ELAVL4: variants seen among roughly 807,000 people sequenced by gnomAD.
ELAVL4 encodes ELAV like RNA binding protein 4, also known as ELAV-like protein 4.
ELAVL4 carries 1 observed loss-of-function variant against 35.6 expected under a neutral mutation model. The ratio of observed to expected loss-of-function variants is 0.03; its 90% CI spans 0.01 to 0.13. The LOEUF is 0.13. ELAVL4 is among the 10% of genes least tolerant of loss of function. The pLI, the probability that ELAVL4 is intolerant of heterozygous loss-of-function variation, is 1.00. For missense variants in ELAVL4, 267 were observed against 464.9 expected (o/e 0.57, Z 3.91); for synonymous variants, 156 against 171.0 (o/e 0.91, Z 0.69).
At chr1:50,144,787 C>T (rs1572384553) in intron 1 of ELAVL4, 170 bp from the exon 2 acceptor site, 1 of 993,236 alleles carries the variant, frequency 1.0e-6, no homozygotes, top group East Asian at 2.4e-5. Flanking sequence ...AGGAGTTTAA[C>T]ATTTTGGTTA....
chr1:50,068,051 A>C (rs1664347273), intron 1 of ELAVL4, among the ~76,000 whole-genome samples: 1 of 152,204 alleles, frequency 6.6e-6, no homozygotes, highest in South Asian at 2.1e-4. Flanking sequence ...TGGTGGGGAC[A>C]TAGCCAAACC....
At chr1:50,172,916 A>C (rs1679280127) in intron 2 of ELAVL4, among the ~76,000 whole-genome samples, 2 of 152,156 alleles carry the variant, frequency 1.3e-5, no homozygotes, top group African/African-American at 4.8e-5. Context: ...GAACCTACCC[A>C]GGACATTTCT....
intron 2 of ELAVL4, among the ~76,000 whole-genome samples, chr1:50,163,361 T>C (rs1677135564): frequency 6.6e-6 from 1 of 152,176 alleles, no homozygotes; most frequent in Non-Finnish European, 1.5e-5. Flanking sequence ...TCCACATCTG[T>C]AGAAGGGATT....
chr1:50,085,611 C>T (rs1246289667), intron 1 of ELAVL4, among the ~76,000 whole-genome samples: 1 of 152,214 alleles, frequency 6.6e-6, no homozygotes, highest in Non-Finnish European at 1.5e-5. Flanking sequence ...TAAGGAAGGA[C>T]CTATTCAGAG....
At chr1:50,130,993 T>C (rs1330292433) in intron 1 of ELAVL4, among the ~76,000 whole-genome samples, 1 of 152,184 alleles carries the variant, frequency 6.6e-6, no homozygotes, top group Non-Finnish European at 1.5e-5. Flanking sequence ...TTAAAAAAGG[T>C]AAATTTCTGG....
rs949962351 is a variant in ELAVL4, at chr1:50,202,566, T to A, written c.*1388T>A. ...GATGTGATGATGCCTATGGCCGAGA[T>A]CAAATATAGCTAGATTGGCTAGACT... On this transcript the variant is annotated 3_prime_UTR_variant, in exon 7 of 7. Coordinates refer to ENST00000371824, the MANE Select transcript of ELAVL4 (RefSeq NM_001144774.3). 7 of 152,292 alleles carry A rather than the reference T, an allele frequency of 4.6e-5. No individual in the cohort carries two copies. The East Asian group carries it at 5.8e-4, about 13-fold the overall frequency. 9.4% of individuals were successfully genotyped at this position (152,292 alleles called of 1,614,324 possible). A position where few individuals can be genotyped will look rare whatever the true frequency, so the allele number is the denominator to read the frequency against.
chr1:50,173,899 G>T (rs1414669862), intron 2 of ELAVL4, among the ~76,000 whole-genome samples: 2 of 152,110 alleles, frequency 1.3e-5, no homozygotes, highest in East Asian at 3.9e-4. Flanking sequence ...AGATACACTA[G>T]CTCTGGGCTC....
intron 3 of ELAVL4, among the ~76,000 whole-genome samples, chr1:50,188,584 A>G (rs959900975): frequency 2.6e-5 from 4 of 152,228 alleles, no homozygotes; most frequent in African/African-American, 7.2e-5. Flanking sequence ...AGTGGGCTCC[A>G]TAACACTGAA....
intron 1 of ELAVL4, among the ~76,000 whole-genome samples, chr1:50,075,818 TAGAGAGAGAGAGAC>T (rs1664735671): frequency 6.7e-6 from 1 of 150,066 alleles, no homozygotes; most frequent in African/African-American, 2.5e-5. Flanking sequence ...TAGATATAGA[TAGAGAGAGAGAGAC>T]AGAGAGACAG....
chr1:50,113,248 T>G (rs1330586033), intron 1 of ELAVL4, among the ~76,000 whole-genome samples: 1 of 151,976 alleles, frequency 6.6e-6, no homozygotes, highest in Non-Finnish European at 1.5e-5. Flanking sequence ...ATTTCTTCCC[T>G]TTACACTTAT....
chr1:50,184,125 C>A (rs1227492757), intron 3 of ELAVL4, among the ~76,000 whole-genome samples: 2 of 152,132 alleles, frequency 1.3e-5, no homozygotes, highest in Non-Finnish European at 2.9e-5. Flanking sequence ...CTTCCCAGTG[C>A]CCTGTTCACT....
intron 3 of ELAVL4, among the ~76,000 whole-genome samples, chr1:50,192,299 G>A (rs1361328731): frequency 6.6e-6 from 1 of 152,076 alleles, no homozygotes. Flanking sequence ...TCTATTTTTA[G>A]GCATGGAACC....
chr1:50,118,824 AG>A (rs1317738724), intron 1 of ELAVL4, among the ~76,000 whole-genome samples: 4 of 151,926 alleles, frequency 2.6e-5, no homozygotes, highest in Admixed American at 2.6e-4. Flanking sequence ...ATATGCTTAC[AG>A]GAAGGATATA....
At chr1:50,048,222 GC>G in intron 1 of ELAVL4, 1 of 1,491,946 alleles carries the variant, frequency 6.7e-7, no homozygotes. Context: ...CCCCGACTCT[GC>G]CCGCCCTCTG....
At chr1:50,087,406 T>C (rs1665295458) in intron 1 of ELAVL4, among the ~76,000 whole-genome samples, 1 of 152,202 alleles carries the variant, frequency 6.6e-6, no homozygotes, top group Admixed American at 6.5e-5. Context: ...TTCAGAGGTG[T>C]ATAGTTTACA....
intron 2 of ELAVL4, among the ~76,000 whole-genome samples, chr1:50,167,176 C>G (rs1169602647): frequency 6.6e-6 from 1 of 152,168 alleles, no homozygotes; most frequent in Admixed American, 6.5e-5. Context: ...ATATTGTCAC[C>G]TAGTTGGTTT....
chr1:50,195,220 A>G (rs1643969242), intron 4 of ELAVL4, among the ~76,000 whole-genome samples: 1 of 152,266 alleles, frequency 6.6e-6, no homozygotes, highest in East Asian at 1.9e-4. Flanking sequence ...CACTAGCTAC[A>G]TGTGGAGGAC....
At chr1:50,161,384 C>A (rs1676781273) in intron 2 of ELAVL4, among the ~76,000 whole-genome samples, 1 of 152,118 alleles carries the variant, frequency 6.6e-6, no homozygotes, top group Admixed American at 6.5e-5. Flanking sequence ...GGTCATCAGT[C>A]TGAATACTCC....
Position 50,192,527 on chromosome 1 carries a change from A to G in ELAVL4, c.355-1238A>G, listed in dbSNP as rs961154986. On this transcript the variant is annotated intron_variant, in intron 3 of 6. Coordinates refer to ENST00000371824, the MANE Select transcript of ELAVL4 (RefSeq NM_001144774.3). ...CATGCTTTTGTGTGCACGCACACAC[A>G]CACACACACACACACACACACACAC... 4.2e-5 allele frequency among the ~76,000 whole-genome samples: 6 copies of G among 144,032 alleles called. No homozygotes were observed. The East Asian group carries it at 6.1e-4, about 15-fold the overall frequency. 94.5% of individuals were successfully genotyped at this position (144,032 alleles called of 152,430 possible).
Sources: allele counts gnomAD v4.1 joint callset (sites outside exome capture counted in the v4.1 genomes callset), GRCh38; gene constraint gnomAD v4.1.1; transcripts MANE v1.5; gene names NCBI Gene and HGNC (gene_info 2026-07-23, HGNC 2026-07-21).